CDHR4: variants seen among roughly 807,000 people sequenced by gnomAD.
CDHR4 encodes cadherin related family member 4.
Under a neutral mutation model 88.4 loss-of-function variants are expected in CDHR4, and 89 were observed. The ratio of observed to expected loss-of-function variants is 1.01; its 90% CI spans 0.85 to 1.20. The LOEUF (loss-of-function observed/expected upper bound fraction) is 1.20, where lower values mean the gene tolerates loss of function less well. Among genes scored for constraint, CDHR4 ranks in the 50% most tolerant of loss-of-function variants. The pLI, the probability that CDHR4 is intolerant of heterozygous loss-of-function variation, is 0.00. For synonymous variants in CDHR4, 368 were observed against 399.2 expected (o/e 0.92, Z 0.93); for missense variants, 914 against 1,007.2 (o/e 0.91, Z 1.25).
Position 49,790,766 on chromosome 3 carries a change from C to T in CDHR4, c.*66G>A, listed in dbSNP as rs2081164437. The T allele has an allele frequency of 2.2e-6, 3 of 1,363,486 alleles. No homozygotes were observed. The highest frequency in any genetic ancestry group is 3.0e-6 in the Non-Finnish European group (3 of 999,844). The allele number at this position is 1,363,486 out of a possible 1,614,324, so 84.5% of individuals were successfully genotyped here. On this transcript the variant is annotated 3_prime_UTR_variant, in exon 19 of 19. Coordinates refer to ENST00000412678, the MANE Select transcript of CDHR4 (RefSeq NM_001007540.4). ...TGTAATTTTGTTTATTATGAATCAA[C>T]TTGAAAATACAGCCCATGATGGTGT...
chr3:49,797,070 C>A, intron 4 of CDHR4, 38 bp from the exon 5 acceptor site: 1 of 1,527,018 alleles, frequency 6.5e-7, no homozygotes, highest in Non-Finnish European at 8.9e-7. Context: ...CATTCAGCCC[C>A]CAGTGCCCTG....
Position 49,791,768 on chromosome 3 carries a change from G to C in CDHR4, c.2229C>G (p.Phe743Leu). 1 of 1,551,702 alleles carries C rather than the reference G, an allele frequency of 6.4e-7. No homozygotes were observed. The highest frequency in any genetic ancestry group is 2.4e-5 in the East Asian group (1 of 40,922). The part of the protein sequence containing the change: ...IQGTEGSIEG[F>L]LEAPKMEMSQ... ...ACATCTCCATCTTCGGTGCCTCCAG[G>C]AAACCCTCGATGGATCCCTCAGTTC... is the stretch of plus-strand genomic sequence containing the variant. The change falls in exon 17 of 19, where the codon TTC becomes TTG. Residue 743 changes from phenylalanine (F) to leucine (L), a missense_variant. Transcript: ENST00000412678.
chr3:49,790,746 T>C lies in CDHR4; in HGVS notation c.*86A>G. The C allele has an allele frequency of 8.1e-7, 1 of 1,228,962 alleles. No individual in the cohort carries two copies. The highest frequency in any genetic ancestry group is 1.5e-5 in the South Asian group (1 of 68,408). The allele number at this position is 1,228,962 out of a possible 1,614,324, so 76.1% of individuals were successfully genotyped here. On this transcript the variant is annotated 3_prime_UTR_variant, in exon 19 of 19. Coordinates refer to ENST00000412678, the MANE Select transcript of CDHR4 (RefSeq NM_001007540.4). Reference sequence around the variant, plus strand: ...AAGGCTAGAACTTTTCTTTTTGTAATTTTGTTTATTATGAATCAACTTGAA... The same window carrying C: ...AAGGCTAGAACTTTTCTTTTTGTAACTTTGTTTATTATGAATCAACTTGAA...
rs757727880 is a variant in CDHR4, at chr3:49,795,214, C to T, written c.1013G>A (p.Cys338Tyr). The T allele has an allele frequency of 2.6e-6, 4 of 1,551,540 alleles. No homozygotes were observed. The highest frequency in any genetic ancestry group is 2.4e-5 in the East Asian group (1 of 40,932). Residue 338 changes from cysteine to tyrosine, a missense_variant, in exon 8 of 19, where the codon TGC (cysteine) becomes TAC (tyrosine). Transcript: ENST00000412678. The surrounding 1 kb of genome is among the most constrained non-coding windows in gnomAD (Gnocchi z 5.4). ...VQLVNLWPPR[C>Y]LPALLVSQIP... ...TACTCACACCAGAAGCGCTGGGAGG[C>T]AGCGTGGAGGCCAGAGGTTGACCAG...
At chr3:49,794,830 G>T (rs116642728) in intron 9 of CDHR4, 117 bp downstream of exon 9, 76,783 of 1,451,972 alleles carry the variant, frequency 0.053, 2,392 homozygotes, top group Non-Finnish European at 0.058. Context: ...TGCAACACAG[G>T]TTGGCTCGAC....
chr3:49,791,320 G>A, intron 18 of CDHR4, 121 bp downstream of exon 18: 1 of 1,110,582 alleles, frequency 9.0e-7, no homozygotes, highest in Middle Eastern at 2.1e-4. Context: ...CAGGAAAAAA[G>A]CAGATAGATG....
chr3:49,793,641 T>C lies in CDHR4; in HGVS notation c.1565A>G (p.Gln522Arg), dbSNP rs1017400345. 9 of 1,551,752 alleles carry C rather than the reference T, an allele frequency of 5.8e-6. No individual in the cohort carries two copies. The highest frequency in any genetic ancestry group is 7.8e-6 in the Non-Finnish European group (9 of 1,147,002). The stretch of plus-strand genomic sequence containing the variant: ...GAGGTGATGGTTGGGGTTCTGGTCT[T>C]GGCCATGGTCAATCACAAGGACAGT... ...RLTVLVIDHG[Q>R]DQNPNHHLSG... The change falls in exon 12 of 19, where the codon CAA becomes CGA. Residue 522 changes from glutamine (Q) to arginine (R), a missense_variant. Physicochemically the swap from Gln to Arg is conservative, Grantham distance 43. Transcript: ENST00000412678.
rs759909442 is a variant in CDHR4, at chr3:49,798,864, T to G, written c.457A>C (p.Thr153Pro). ...ETVTPGARLY[T>P]LLLPGLELHG... The stretch of plus-strand genomic sequence containing the variant: ...AGTTCTAGGCCTGGGAGGAGCAGAG[T>G]GTACAGCCGAGCCCCAGGTGTGACT... Residue 153 changes from threonine to proline, a missense_variant, in exon 4 of 19, where the codon ACT becomes CCT. By Grantham distance (38) the Thr-to-Pro change is conservative. Coordinates refer to ENST00000412678, the MANE Select transcript of CDHR4 (RefSeq NM_001007540.4). The G allele has an allele frequency of 1.2e-6, 2 of 1,613,578 alleles. No individual in the cohort carries two copies. The highest frequency in any genetic ancestry group is 1.7e-6 in the Non-Finnish European group (2 of 1,179,836).
At chr3:49,801,307 T>C (rs1405038517), upstream of CDHR4, among the ~76,000 whole-genome samples, 1 of 152,334 alleles carries the variant, frequency 6.6e-6, no homozygotes, top group East Asian at 1.9e-4. Context: ...CCTGCTCAGC[T>C]TCTTTGATAG....
chr3:49,797,402 C>G (rs1203484147), intron 4 of CDHR4, among the ~76,000 whole-genome samples: 3 of 152,034 alleles, frequency 2.0e-5, no homozygotes. Context: ...CCTCAACCTC[C>G]TGAATAGCTG....
At chr3:49,793,445 C>G in intron 12 of CDHR4, 134 bp from the exon 13 acceptor site, 1 of 1,454,012 alleles carries the variant, frequency 6.9e-7, no homozygotes, top group Non-Finnish European at 9.2e-7. Context: ...GGCTCCAGAG[C>G]TTTCAATTAG....
At position 49,799,316 on chromosome 3, in the gene CDHR4, A is replaced by G; in HGVS notation, c.171T>C (p.Asn57=). 6.2e-7 allele frequency: 1 copy of G among 1,613,970 alleles called. No individual in the cohort carries two copies. The highest frequency in any genetic ancestry group is 1.3e-5 in the African/African-American group (1 of 75,064). The change falls in exon 2 of 19, where the codon AAT becomes AAC. Residue 57 remains asparagine (N), a synonymous_variant. Coordinates refer to ENST00000412678, the MANE Select transcript of CDHR4 (RefSeq NM_001007540.4). ...YTPTPTLELL[N]VQPPTTFFNP... is the part of the protein sequence containing the mutation. ...TGAAGAAGGTGGTGGGTGGCTGGAC[A>G]TTGAGCAACTCCAGGGTGGGTGTGG...
rs2081216260 is a variant in CDHR4 at position 49,793,566 on chromosome 3, C to T, written c.1623+17G>A. On this transcript the variant is annotated intron_variant, in intron 12 of 18. Transcript: ENST00000412678. ...TCTTTCCAAGTATTTATTTCCAAAG[C>T]CTTAGGACGCAATTACCTCAACCTC... is the stretch of plus-strand genomic sequence containing the variant. 1 of 1,551,434 alleles carries T rather than the reference C, an allele frequency of 6.4e-7. No individual in the cohort carries two copies. Among genetic ancestry groups the T allele is most frequent in the Non-Finnish European group, 8.7e-7 (1 of 1,146,832 alleles).
chr3:49,791,408 G>A (rs2081177445), intron 18 of CDHR4, 33 bp downstream of exon 18: 1 of 1,535,006 alleles, frequency 6.5e-7, no homozygotes, highest in Non-Finnish European at 8.8e-7. Context: ...TGAGGGCCCA[G>A]GCAGAGAATA....
In CDHR4 at chr3:49,795,704, C is replaced by T. The variant is rs1252194363; in HGVS notation, c.771G>A (p.Gln257=). 7 of 1,551,712 alleles carry T rather than the reference C, an allele frequency of 4.5e-6. No individual in the cohort carries two copies. Among genetic ancestry groups the T allele is most frequent in the Non-Finnish European group, 6.1e-6 (7 of 1,146,982 alleles). ...GCAGGTCGACACCCCGGGCCTGGAC[C>T]TGAACCACCTCACTACCGGGGGCCA... The part of the protein sequence containing the change: ...ENLAPGSEVV[Q]VQARGVDLRY... The change falls in exon 7 of 19, where the codon CAG becomes CAA. Residue 257 remains glutamine, a synonymous_variant. Coordinates refer to ENST00000412678, the MANE Select transcript of CDHR4 (RefSeq NM_001007540.4). The surrounding 1 kb of genome is among the most constrained non-coding windows in gnomAD (Gnocchi z 5.4).
In CDHR4 at chr3:49,795,002, C is replaced by G. The variant is rs944535166; in HGVS notation, c.1130G>C (p.Trp377Ser). Residue 377 changes from tryptophan (W) to serine (S), a missense_variant, in exon 9 of 19, where the codon TGG (tryptophan) becomes TCG (serine). Coordinates refer to ENST00000412678, the MANE Select transcript of CDHR4 (RefSeq NM_001007540.4). The surrounding 1 kb of genome is among the most constrained non-coding windows in gnomAD (Gnocchi z 5.4). ...SVGATLDYKL[W>S]FRSSSNPASL... ...GGCAGGGTTGGAAGAGCTGCGGAAC[C>G]ACAGCTTGTAGTCCAGGGTGGCACC... 1 of 1,551,544 alleles carries G rather than the reference C, an allele frequency of 6.4e-7. No homozygotes were observed. Among genetic ancestry groups the G allele is most frequent in the African/African-American group, 1.4e-5 (1 of 73,016 alleles).
intron 3 of CDHR4, 37 bp downstream of exon 3, chr3:49,798,957 T>C (rs1184201234): frequency 6.2e-7 from 1 of 1,611,318 alleles, no homozygotes; most frequent in East Asian, 2.2e-5. Flanking sequence ...GCTCAGGCCA[T>C]GCCTGCCCCC....
Position 49,790,776 on chromosome 3 carries a change from C to T in CDHR4, c.*56G>A. On this transcript the variant is annotated 3_prime_UTR_variant, in exon 19 of 19. Coordinates refer to ENST00000412678, the MANE Select transcript of CDHR4 (RefSeq NM_001007540.4). Reference sequence around the variant, plus strand: ...TTTATTATGAATCAACTTGAAAATACAGCCCATGATGGTGTGAAAAAGAAA... The same window carrying T: ...TTTATTATGAATCAACTTGAAAATATAGCCCATGATGGTGTGAAAAAGAAA... 1 of 1,398,804 alleles carries T rather than the reference C, an allele frequency of 7.1e-7. No homozygotes were observed. The highest frequency in any genetic ancestry group is 9.7e-7 in the Non-Finnish European group (1 of 1,030,470). The allele number at this position is 1,398,804 out of a possible 1,614,324, so 86.6% of individuals were successfully genotyped here.
At position 49,793,798 on chromosome 3, in the gene CDHR4, T is replaced by G. The variant is rs2081221496; in HGVS notation, c.1483+5A>C. The G allele has an allele frequency of 3.9e-6, 6 of 1,551,694 alleles. No homozygotes were observed. Among genetic ancestry groups the G allele is most frequent in the East Asian group, 2.4e-5 (1 of 40,918 alleles). On this transcript the variant is annotated splice_donor_5th_base_variant and intron_variant, in intron 11 of 18. Transcript: ENST00000412678. ...GTTTCCATCCCAGCCCTGGGGTGGATGTACCGCTGAGACGGTCCACAGCAA... is the reference window on the plus strand; with the variant it reads ...GTTTCCATCCCAGCCCTGGGGTGGAGGTACCGCTGAGACGGTCCACAGCAA...
Sources: gnomAD v4.1 joint callset for allele counts (sites outside exome capture counted in the v4.1 genomes callset) on GRCh38, gnomAD v4.1.1 for gene constraint, Gnocchi (gnomAD v3.1) non-coding constraint, MANE v1.5 for transcripts, NCBI Gene and HGNC (gene_info 2026-07-23, HGNC 2026-07-21) for gene names.